SDK1: variants seen among roughly 807,000 people sequenced by gnomAD.
The protein encoded by SDK1 is protein sidekick-1.
Under a neutral mutation model 245.5 loss-of-function variants are expected in SDK1, and 157 were observed. The ratio of observed to expected loss-of-function variants is 0.64; its 90% CI spans 0.56 to 0.73. The LOEUF (loss-of-function observed/expected upper bound fraction) is 0.73, where lower values mean the gene tolerates loss of function less well. Among genes scored for constraint, SDK1 ranks in the 30% least tolerant of loss-of-function variants. SDK1 has a pLI of 0.00. For missense variants in SDK1, 3,583 were observed against 3,002.3 expected (o/e 1.19, Z -4.52); for synonymous variants, 1,647 against 1,278.5 (o/e 1.29, Z -6.15).
At chr7:3,315,904 A>G (rs888820842) in intron 1 of SDK1, among the ~76,000 whole-genome samples, 3 of 152,138 alleles carry the variant, frequency 2.0e-5, no homozygotes, top group African/African-American at 7.2e-5. Context: ...GGAAAAAAGC[A>G]TGCCATATTT....
At chr7:3,953,381 G>C (rs1410680318) in intron 7 of SDK1, among the ~76,000 whole-genome samples, 2 of 152,184 alleles carry the variant, frequency 1.3e-5, no homozygotes, top group African/African-American at 2.4e-5. Flanking sequence ...AAGGAAGCCG[G>C]CTTTGAGTCA....
chr7:3,560,526 G>A (rs1383770502), intron 1 of SDK1, among the ~76,000 whole-genome samples: 3 of 152,016 alleles, frequency 2.0e-5, no homozygotes, highest in Non-Finnish European at 4.4e-5. Context: ...TCCTACTACT[G>A]CTACCAATCT....
chr7:3,323,603 G>A (rs1171547483), intron 1 of SDK1, among the ~76,000 whole-genome samples: 1 of 152,152 alleles, frequency 6.6e-6, no homozygotes, highest in Non-Finnish European at 1.5e-5. Flanking sequence ...TCCTTTTCGT[G>A]TGCCCCACTC....
intron 4 of SDK1, among the ~76,000 whole-genome samples, chr7:3,684,450 A>G (rs759342204): frequency 6.6e-6 from 1 of 152,222 alleles, no homozygotes; most frequent in East Asian, 1.9e-4. Flanking sequence ...ATAGTGTTGG[A>G]GAAGCCCAGC....
intron 22 of SDK1, among the ~76,000 whole-genome samples, chr7:4,107,973 C>T (rs1012425454): frequency 5.9e-5 from 9 of 152,212 alleles, no homozygotes; most frequent in South Asian, 2.1e-4. Flanking sequence ...TAATATCCTC[C>T]GGCTTCCTAG....
chr7:3,962,408 G>A (rs373717806), intron 8 of SDK1, among the ~76,000 whole-genome samples: 118 of 152,278 alleles, frequency 7.7e-4, no homozygotes, highest in African/African-American at 2.6e-3. Context: ...GTGTGGGTTC[G>A]GAGTGGAGCC....
At chr7:4,175,407 C>T (rs1282094256) in intron 33 of SDK1, among the ~76,000 whole-genome samples, 7 of 152,344 alleles carry the variant, frequency 4.6e-5, no homozygotes, top group South Asian at 2.1e-4. Context: ...CTCCTCCAGC[C>T]GGGGCTCCCT....
chr7:3,833,754 A>T (rs775431123), intron 5 of SDK1, among the ~76,000 whole-genome samples: 2 of 152,226 alleles, frequency 1.3e-5, no homozygotes, highest in Admixed American at 6.5e-5. Flanking sequence ...GCGAATAGGC[A>T]GTATTCTGAG....
chr7:3,873,327 T>C (rs896830718), intron 5 of SDK1, among the ~76,000 whole-genome samples: 1 of 152,172 alleles, frequency 6.6e-6, no homozygotes, highest in Non-Finnish European at 1.5e-5. Flanking sequence ...TGCTCCTCTG[T>C]AGGCAATATG....
At chr7:4,219,517 T>A (rs1404566564) in intron 38 of SDK1, among the ~76,000 whole-genome samples, 1 of 152,070 alleles carries the variant, frequency 6.6e-6, no homozygotes, top group Non-Finnish European at 1.5e-5. Context: ...AACCATCAGA[T>A]CTCATGAGAC....
intron 1 of SDK1, among the ~76,000 whole-genome samples, chr7:3,562,452 A>G (rs1004449521): frequency 1.3e-5 from 2 of 152,186 alleles, no homozygotes; most frequent in African/African-American, 4.8e-5. Flanking sequence ...ATTGAGAAAG[A>G]ATAAAAGCTA....
chr7:3,824,412 C>A (rs1042165060), intron 5 of SDK1, among the ~76,000 whole-genome samples: 5 of 152,100 alleles, frequency 3.3e-5, no homozygotes, highest in Non-Finnish European at 7.4e-5. Flanking sequence ...AAGCAGGGAA[C>A]CTTTATGTAG....
chr7:3,418,314 C>T (rs1779437291), intron 1 of SDK1, among the ~76,000 whole-genome samples: 1 of 152,090 alleles, frequency 6.6e-6, no homozygotes, highest in Admixed American at 6.5e-5. Flanking sequence ...GAGACTCCAT[C>T]TCAGAAACAA....
At chr7:4,040,696 G>A (rs965942025) in intron 17 of SDK1, among the ~76,000 whole-genome samples, 67 of 152,286 alleles carry the variant, frequency 4.4e-4, no homozygotes, top group African/African-American at 1.5e-3. Context: ...CAAAAAACCA[G>A]GACTGGATGC....
intron 1 of SDK1, among the ~76,000 whole-genome samples, chr7:3,442,740 T>G (rs758290695): frequency 4.1e-4 from 62 of 152,348 alleles, no homozygotes; most frequent in Admixed American, 1.2e-3. Flanking sequence ...GTTTTTAGCA[T>G]ATTTTCTCCA....
chr7:3,860,142 A>G (rs1325240082), intron 5 of SDK1, among the ~76,000 whole-genome samples: 1 of 151,742 alleles, frequency 6.6e-6, no homozygotes, highest in Non-Finnish European at 1.5e-5. Context: ...GGATGGTCTC[A>G]CTCTCCTGAC....
chr7:3,817,865 C>G (rs564653614), intron 4 of SDK1, among the ~76,000 whole-genome samples: 2 of 152,192 alleles, frequency 1.3e-5, no homozygotes, highest in African/African-American at 4.8e-5. Context: ...AAGCACTTAG[C>G]GAGTGCTCAC....
chr7:4,170,608 A>G (rs919744884), intron 32 of SDK1, among the ~76,000 whole-genome samples: 4 of 152,202 alleles, frequency 2.6e-5, no homozygotes, highest in Non-Finnish European at 5.9e-5. Flanking sequence ...TTGCAGTTGC[A>G]TATAATACTG....
chr7:3,621,999 T>G (rs1781956817), intron 2 of SDK1, among the ~76,000 whole-genome samples: 1 of 152,212 alleles, frequency 6.6e-6, no homozygotes, highest in Non-Finnish European at 1.5e-5. Context: ...GGCTTTGTGT[T>G]GGATGATTTT....
Sources: allele counts gnomAD v4.1 joint callset (sites outside exome capture counted in the v4.1 genomes callset), GRCh38; gene constraint gnomAD v4.1.1; transcripts MANE v1.5; gene names NCBI Gene and HGNC (gene_info 2026-07-23, HGNC 2026-07-21).